RFX2: variants seen among roughly 807,000 people sequenced by gnomAD.
RFX2 encodes regulatory factor X2.
In RFX2, 20 loss-of-function variants were observed where a neutral mutation model predicts 87.8. The ratio of observed to expected loss-of-function variants is 0.23; its 90% CI spans 0.16 to 0.33. RFX2 has a LOEUF of 0.33. Among genes scored for constraint, RFX2 ranks in the 10% least tolerant of loss-of-function variants. RFX2 has a pLI of 1.00. For synonymous variants in RFX2, 397 were observed against 431.3 expected, an observed-to-expected ratio of 0.92 and a Z score of 0.98; for missense variants, 767 against 1,012.3, an observed-to-expected ratio of 0.76 and a Z score of 3.29.
Position 6,012,998 on chromosome 19 carries a change from T to TGCATGGGCTGCTGCC in RFX2, c.872_886dup (p.Arg291_Met295dup). Reference sequence around the variant, plus strand: ...GCCCGGCACCCACCTGGGCTTCTGGTGCATGGGCTGCTGCCGCATGGCCAT... The same window carrying TGCATGGGCTGCTGCC: ...GCCCGGCACCCACCTGGGCTTCTGGTGCATGGGCTGCTGCCGCATGGGCTGCTGCCGCATGGCCAT... On this transcript the variant is annotated inframe_insertion, in exon 8 of 18. Transcript: ENST00000303657. This position sits in a 1 kb window ranked among gnomAD's most constrained non-coding sequence, Gnocchi z 4.6. 6.4e-7 allele frequency: 1 copy of TGCATGGGCTGCTGCC among 1,566,112 alleles called. No homozygotes were observed. The highest frequency in any genetic ancestry group is 8.7e-7 in the Non-Finnish European group (1 of 1,155,422).
At chr19:6,025,784 CTTTTT>C (rs1217365706) in intron 6 of RFX2, among the ~76,000 whole-genome samples, 2 of 130,022 alleles carry the variant, frequency 1.5e-5, no homozygotes, top group Non-Finnish European at 3.3e-5. Context: ...TTGTCTTCTT[CTTTTT>C]TTTTTTTTTT....
rs573871526 is a variant in RFX2 at position 6,061,688 on chromosome 19, C to T, written c.-8-14184G>A. On this transcript the variant is annotated intron_variant, in intron 1 of 17. Coordinates refer to ENST00000303657, the MANE Select transcript of RFX2 (RefSeq NM_000635.4). The surrounding 1 kb of genome is among the most constrained non-coding windows in gnomAD (Gnocchi z 5.2). ...TAAGAACAAATGCCAAGGGGAATGC[C>T]GAGTGGCTGGGAAGGAGGTATGACC... Among the ~76,000 whole-genome samples, 29 of 152,298 alleles carry T rather than the reference C, an allele frequency of 1.9e-4. No individual in the cohort carries two copies. The South Asian group carries it at 5.2e-3, about 27-fold the overall frequency.
Position 6,000,460 on chromosome 19 carries a change from C to G in RFX2, c.1859+1355G>C, listed in dbSNP as rs139225632. On this transcript the variant is annotated intron_variant, in intron 15 of 17. Transcript: ENST00000303657. ...GCTGGGGCAGTGATATGGTTTGGCT[C>G]TGTGTCCCCACCCAAATCTCACCTT... Among the ~76,000 whole-genome samples the G allele has an allele frequency of 7.2e-5, 11 of 152,340 alleles. No individual in the cohort carries two copies. In the East Asian group the frequency reaches 2.1e-3, roughly 29 times the overall value.
chr19:6,048,425 T>G (rs1193477086), intron 1 of RFX2, among the ~76,000 whole-genome samples: 3 of 152,238 alleles, frequency 2.0e-5, no homozygotes, highest in Non-Finnish European at 4.4e-5. Flanking sequence ...AGTCTTCACT[T>G]TTAAATAAAC....
At chr19:6,018,739 G>A (rs1223558388) in intron 6 of RFX2, among the ~76,000 whole-genome samples, 2 of 152,236 alleles carry the variant, frequency 1.3e-5, no homozygotes, top group Admixed American at 6.5e-5. Context: ...GGAGCAAAGC[G>A]TAAGCCTCGA....
chr19:6,083,193 C>G lies in RFX2; in HGVS notation c.-9+27200G>C, dbSNP rs140168497. On this transcript the variant is annotated intron_variant, in intron 1 of 17. Transcript: ENST00000303657. This position sits in a 1 kb window ranked among gnomAD's most constrained non-coding sequence, Gnocchi z 4.6. The stretch of plus-strand genomic sequence containing the variant: ...GAGTGCTAGAATTACAGGCATGAGC[C>G]ACTGTGCCCGGCCTTCATCATGAAA... 2.6e-5 allele frequency among the ~76,000 whole-genome samples: 4 copies of G among 152,328 alleles called. No individual in the cohort carries two copies. Among genetic ancestry groups the G allele is most frequent in the Non-Finnish European group, 5.9e-5 (4 of 68,034 alleles).
At position 6,007,115 on chromosome 19, in the gene RFX2, CAG is replaced by C; in HGVS notation, c.1297_1298del (p.Leu433ValfsTer43). ...AVLPKDKLISLCQCDPILRWM... is the reference protein window; with the variant it reads ...AVLPKDKLISXCQCDPILRWM... ...ACCTGAGGATGGGGTCGCACTGACA[CAG>C]GGAGATAAGCTTGTCCTTGGGCAGG... On this transcript the variant is annotated frameshift_variant, in exon 12 of 18. Coordinates refer to ENST00000303657, the MANE Select transcript of RFX2 (RefSeq NM_000635.4). LOFTEE classifies it high-confidence loss of function. The surrounding 1 kb of genome is among the most constrained non-coding windows in gnomAD (Gnocchi z 8.2). 6.2e-7 allele frequency: 1 copy of C among 1,614,142 alleles called. No individual in the cohort carries two copies.
chr19:6,007,863 C>T lies in RFX2; in HGVS notation c.1135-61G>A, dbSNP rs1568502699. ...GTGCGCCCATCACGTGCACTCAGCA[C>T]ACGTCAAGTGAGCAGCCGTGATCCG... is the stretch of plus-strand genomic sequence containing the variant. On this transcript the variant is annotated intron_variant, in intron 10 of 17. Coordinates refer to ENST00000303657, the MANE Select transcript of RFX2 (RefSeq NM_000635.4). This position sits in a 1 kb window ranked among gnomAD's most constrained non-coding sequence, Gnocchi z 8.2. 1.7e-6 allele frequency: 2 copies of T among 1,183,516 alleles called. No individual in the cohort carries two copies. Among genetic ancestry groups the T allele is most frequent in the African/African-American group, 1.5e-5 (1 of 65,878 alleles). The allele number at this position is 1,183,516 out of a possible 1,614,324, so 73.3% of individuals were successfully genotyped here.
chr19:6,090,240 T>A (rs111360723), intron 1 of RFX2, among the ~76,000 whole-genome samples: 3,452 of 152,060 alleles, frequency 0.023, 140 homozygotes, highest in African/African-American at 0.079. Flanking sequence ...AGTGCTGAGA[T>A]TACAAGCATG....
intron 1 of RFX2, among the ~76,000 whole-genome samples, chr19:6,062,530 C>T (rs1380388329): frequency 6.6e-6 from 1 of 152,244 alleles, no homozygotes; most frequent in Non-Finnish European, 1.5e-5. Flanking sequence ...TCCGGAGCCA[C>T]AGCTTCCCGA....
intron 1 of RFX2, among the ~76,000 whole-genome samples, chr19:6,080,861 C>G (rs1216085714): frequency 6.6e-6 from 1 of 151,940 alleles, no homozygotes; most frequent in Non-Finnish European, 1.5e-5. Flanking sequence ...CCTGGTGAAA[C>G]CCCATCTCTA....
intron 1 of RFX2, among the ~76,000 whole-genome samples, chr19:6,071,796 T>C (rs1214910665): frequency 6.6e-6 from 1 of 152,214 alleles, no homozygotes; most frequent in Non-Finnish European, 1.5e-5. Flanking sequence ...ATCAATTCTG[T>C]TTTAGAAAGG....
Position 6,002,693 on chromosome 19 carries a change from G to T in RFX2, c.1650+28C>A, listed in dbSNP as rs1449873701. 2 of 1,609,742 alleles carry T rather than the reference G, an allele frequency of 1.2e-6. No individual in the cohort carries two copies. Among genetic ancestry groups the T allele is most frequent in the South Asian group, 2.2e-5 (2 of 90,918 alleles). On this transcript the variant is annotated intron_variant, in intron 14 of 17. Coordinates refer to ENST00000303657, the MANE Select transcript of RFX2 (RefSeq NM_000635.4). This position sits in a 1 kb window ranked among gnomAD's most constrained non-coding sequence, Gnocchi z 6.7. Reference sequence around the variant, plus strand: ...TTTTGCTGGAGGGCGGGAAGCCCGGGCCCTGGGGACGGTGTGGAGGAAGTC... The same window carrying T: ...TTTTGCTGGAGGGCGGGAAGCCCGGTCCCTGGGGACGGTGTGGAGGAAGTC...
chr19:6,108,768 C>T (rs1380044067), intron 1 of RFX2, among the ~76,000 whole-genome samples: 4 of 152,154 alleles, frequency 2.6e-5, no homozygotes, highest in Non-Finnish European at 2.9e-5. Flanking sequence ...CTCCCCTCCC[C>T]ATTCTTGCCG....
At chr19:6,072,457 C>T (rs2087620937) in intron 1 of RFX2, among the ~76,000 whole-genome samples, 1 of 152,174 alleles carries the variant, frequency 6.6e-6, no homozygotes, top group Non-Finnish European at 1.5e-5. Context: ...AATCCCAGCG[C>T]TCTGAGAGGC....
Position 6,084,258 on chromosome 19 carries a change from G to A in RFX2, c.-9+26135C>T, listed in dbSNP as rs978441099. On this transcript the variant is annotated intron_variant, in intron 1 of 17. Coordinates refer to ENST00000303657, the MANE Select transcript of RFX2 (RefSeq NM_000635.4). ...TGATCCTCTGCTTTAGCAGGACAGCGTAGGGACTTACTAGAGGCAAACCAT... is the reference window on the plus strand; with the variant it reads ...TGATCCTCTGCTTTAGCAGGACAGCATAGGGACTTACTAGAGGCAAACCAT... 7.2e-5 allele frequency among the ~76,000 whole-genome samples: 11 copies of A among 152,198 alleles called. No homozygotes were observed. In the East Asian group the frequency reaches 9.6e-4, roughly 13 times the overall value.
At chr19:6,095,281 C>A (rs895390709) in intron 1 of RFX2, among the ~76,000 whole-genome samples, 1 of 152,000 alleles carries the variant, frequency 6.6e-6, no homozygotes, top group African/African-American at 2.4e-5. Context: ...TTAAGAGATT[C>A]TATTTTACTA....
At chr19:6,068,854 T>G (rs2144826309) in intron 1 of RFX2, among the ~76,000 whole-genome samples, 1 of 151,692 alleles carries the variant, frequency 6.6e-6, no homozygotes, top group Non-Finnish European at 1.5e-5. Flanking sequence ...GGGTTGAGAA[T>G]AGGGGAAGAA....
At chr19:6,009,920 T>C (rs1389912078) in intron 9 of RFX2, among the ~76,000 whole-genome samples, 5 of 152,266 alleles carry the variant, frequency 3.3e-5, no homozygotes. Flanking sequence ...ATGGTCATTT[T>C]ATATATTAAT....
Sources: allele counts gnomAD v4.1 joint callset (sites outside exome capture counted in the v4.1 genomes callset), GRCh38; gene constraint gnomAD v4.1.1; non-coding constraint Gnocchi (gnomAD v3.1); transcripts MANE v1.5; gene names NCBI Gene and HGNC (gene_info 2026-07-23, HGNC 2026-07-21).